Variants in DNAJC10 observed in about 807,000 individuals in gnomAD.
The protein encoded by DNAJC10 is DnaJ heat shock protein family (Hsp40) member C10.
Under a neutral mutation model 115.0 loss-of-function variants are expected in DNAJC10, and 101 were observed. That is an observed-to-expected ratio of 0.88 (90% CI 0.75 to 1.04). The LOEUF (loss-of-function observed/expected upper bound fraction) is 1.04, where lower values mean the gene tolerates loss of function less well. Among genes scored for constraint, DNAJC10 ranks in the 50% least tolerant of loss-of-function variants. The pLI, the probability that DNAJC10 is intolerant of heterozygous loss-of-function variation, is 0.00. For missense variants in DNAJC10, 981 were observed against 928.8 expected, an observed-to-expected ratio of 1.06 and a Z score of -0.73; for synonymous variants, 307 against 301.5, an observed-to-expected ratio of 1.02 and a Z score of -0.19.
At position 182,777,360 on chromosome 2, in the gene DNAJC10, T is replaced by C. The variant is rs1694733514; in HGVS notation, c.*228T>C. 1 of 328,354 alleles carries C rather than the reference T, an allele frequency of 3.0e-6. No individual in the cohort carries two copies. The allele number at this position is 328,354 out of a possible 1,614,324, so 20.3% of individuals were successfully genotyped here. ...AGACTTTGCAGGCTATAATATATGG[T>C]TCACACATGAGAACAAGAATAGAGT... On this transcript the variant is annotated 3_prime_UTR_variant, in exon 24 of 24. Transcript: ENST00000264065.
At chr2:182,765,447 A>G (rs984533037) in intron 22 of DNAJC10, among the ~76,000 whole-genome samples, 26 of 152,182 alleles carry the variant, frequency 1.7e-4, no homozygotes, top group Admixed American at 1.2e-3. Context: ...AGCTGATCCC[A>G]CTTGGCAAAG....
rs556449649 is a variant in DNAJC10 at position 182,785,511 on chromosome 2, G to T, written c.*8379G>T. 1 of 152,130 alleles carries T rather than the reference G, an allele frequency of 6.6e-6. No homozygotes were observed. The highest frequency in any genetic ancestry group is 1.9e-4 in the East Asian group (1 of 5,180). 9.4% of individuals were successfully genotyped at this position (152,130 alleles called of 1,614,324 possible). A position where few individuals can be genotyped will look rare whatever the true frequency, so the allele number is the denominator to read the frequency against. Reference sequence around the variant, plus strand: ...TTATCCTAATTAACTCGTTTGTTAAGTGGAAAAAATATTTCAGTAGGTAGT... The same window carrying T: ...TTATCCTAATTAACTCGTTTGTTAATTGGAAAAAATATTTCAGTAGGTAGT... On this transcript the variant is annotated 3_prime_UTR_variant, in exon 24 of 24. Coordinates refer to ENST00000264065, the MANE Select transcript of DNAJC10 (RefSeq NM_018981.4).
intron 22 of DNAJC10, among the ~76,000 whole-genome samples, chr2:182,767,864 C>G (rs1186547281): frequency 6.6e-6 from 1 of 152,142 alleles, no homozygotes; most frequent in African/African-American, 2.4e-5. Flanking sequence ...CCTTATCATA[C>G]TACACACTAC....
intron 20 of DNAJC10, 132 bp downstream of exon 20, chr2:182,759,022 A>G: frequency 9.7e-7 from 1 of 1,028,624 alleles, no homozygotes; most frequent in Non-Finnish European, 1.4e-6. Flanking sequence ...TATTATATTA[A>G]CCAAGATAGT....
At chr2:182,730,679 G>A in intron 8 of DNAJC10, 1 of 360,070 alleles carries the variant, frequency 2.8e-6, no homozygotes, top group Non-Finnish European at 5.4e-6. Flanking sequence ...TGGGGAACTG[G>A]CAATACTTCA....
At chr2:182,742,804 T>TC (rs1403593681) in intron 13 of DNAJC10, among the ~76,000 whole-genome samples, 10 of 152,278 alleles carry the variant, frequency 6.6e-5, no homozygotes, top group Admixed American at 2.6e-4. Flanking sequence ...TGGCCCATTT[T>TC]CTTTTTTCTG....
intron 11 of DNAJC10, among the ~76,000 whole-genome samples, chr2:182,738,380 G>A (rs184591582): frequency 8.1e-4 from 123 of 152,256 alleles, no homozygotes; most frequent in Non-Finnish European, 5.3e-4. Flanking sequence ...CAACAATAGA[G>A]CCTCTTGCCT....
chr2:182,724,605 G>C (rs1284710328), intron 5 of DNAJC10, among the ~76,000 whole-genome samples: 1 of 152,128 alleles, frequency 6.6e-6, no homozygotes, highest in African/African-American at 2.4e-5. Context: ...GTATAAGATA[G>C]ACCTGTGGGG....
In DNAJC10 at chr2:182,758,573, G is replaced by A. The variant is rs74812403; in HGVS notation, c.1944-264G>A. On this transcript the variant is annotated intron_variant, in intron 19 of 23. Coordinates refer to ENST00000264065, the MANE Select transcript of DNAJC10 (RefSeq NM_018981.4). ...AAAACCCTTGGACATTCTGAGTTTCGCAATTCCCATAGGTCTACAGGAGAT... is the reference window on the plus strand; with the variant it reads ...AAAACCCTTGGACATTCTGAGTTTCACAATTCCCATAGGTCTACAGGAGAT... Among the ~76,000 whole-genome samples, 1,412 of 152,152 alleles carry A rather than the reference G, an allele frequency of 9.3e-3. 11 individuals carry two copies. The highest frequency in any genetic ancestry group is 0.014 in the Non-Finnish European group (981 of 67,988).
chr2:182,728,821 AGTG>A, intron 6 of DNAJC10, 39 bp from the exon 7 acceptor site: 1 of 1,610,140 alleles, frequency 6.2e-7, no homozygotes, highest in African/African-American at 1.3e-5. Context: ...AGGGAAGAAA[AGTG>A]GTCTTATCAG....
In DNAJC10 at chr2:182,756,317, C is replaced by T; in HGVS notation, c.1657C>T (p.Leu553Phe). 2 of 1,610,628 alleles carry T rather than the reference C, an allele frequency of 1.2e-6. No individual in the cohort carries two copies. Among genetic ancestry groups the T allele is most frequent in the Non-Finnish European group, 1.7e-6 (2 of 1,178,338 alleles). The change falls in exon 18 of 24, where the codon CTT (leucine) becomes TTT (phenylalanine). Residue 553 changes from leucine to phenylalanine, a missense_variant. Transcript: ENST00000264065. ...AEQILEFIEDLMNPSVVSLTP... is the reference protein window; with the variant it reads ...AEQILEFIEDFMNPSVVSLTP... ...ATGGAAGCTATATTCTCTTCAGGAT[C>T]TTATGAATCCTTCAGTGGTCTCCCT...
At chr2:182,722,346 T>C (rs1336168704) in intron 5 of DNAJC10, among the ~76,000 whole-genome samples, 1 of 152,200 alleles carries the variant, frequency 6.6e-6, no homozygotes, top group Non-Finnish European at 1.5e-5. Context: ...CCAAGTGAGC[T>C]TGCTGCAAAC....
At chr2:182,730,012 T>A (rs552700591) in intron 8 of DNAJC10, 71 bp downstream of exon 8, 1 of 995,466 alleles carries the variant, frequency 1.0e-6, no homozygotes, top group African/African-American at 1.6e-5. Context: ...TTAATGGCAA[T>A]ATTAACATTT....
intron 22 of DNAJC10, among the ~76,000 whole-genome samples, chr2:182,774,823 C>A (rs1211358532): frequency 6.6e-6 from 1 of 152,230 alleles, no homozygotes; most frequent in Non-Finnish European, 1.5e-5. Context: ...CAACACCCCC[C>A]CCAATCCCCG....
At chr2:182,739,784 T>G in intron 11 of DNAJC10, 1 of 995,236 alleles carries the variant, frequency 1.0e-6, no homozygotes, top group Non-Finnish European at 1.2e-6. Context: ...TGAGCAAAAG[T>G]CCATTCCAAT....
intron 14 of DNAJC10, among the ~76,000 whole-genome samples, chr2:182,744,292 C>T (rs559976701): frequency 6.6e-6 from 1 of 152,186 alleles, no homozygotes; most frequent in South Asian, 2.1e-4. Flanking sequence ...GTTAAGTGAA[C>T]AACAGATACC....
intron 13 of DNAJC10, among the ~76,000 whole-genome samples, chr2:182,743,021 A>G (rs908727961): frequency 6.6e-6 from 1 of 151,678 alleles, no homozygotes; most frequent in Non-Finnish European, 1.5e-5. Context: ...TAATTTTTGT[A>G]TTTTTAGTAG....
At chr2:182,733,915 G>A (rs1378255172) in intron 10 of DNAJC10, among the ~76,000 whole-genome samples, 1 of 151,162 alleles carries the variant, frequency 6.6e-6, no homozygotes, top group Non-Finnish European at 1.5e-5. Flanking sequence ...CTATAAAATT[G>A]TACATAATAT....
chr2:182,787,140 T>C lies in DNAJC10; in HGVS notation c.*10008T>C, dbSNP rs1694962004. 6.6e-6 allele frequency: 1 copy of C among 152,090 alleles called. No homozygotes were observed. The highest frequency in any genetic ancestry group is 1.5e-5 in the Non-Finnish European group (1 of 68,050). The allele number at this position is 152,090 out of a possible 1,614,324, so 9.4% of individuals were successfully genotyped here. A position where few individuals can be genotyped will look rare whatever the true frequency, so the allele number is the denominator to read the frequency against. On this transcript the variant is annotated 3_prime_UTR_variant, in exon 24 of 24. Coordinates refer to ENST00000264065, the MANE Select transcript of DNAJC10 (RefSeq NM_018981.4). Reference sequence around the variant, plus strand: ...GTTATAGCAGCCTGGACAGACAATATATTGAAAAAAATCAGTTTTGCAGTT... The same window carrying C: ...GTTATAGCAGCCTGGACAGACAATACATTGAAAAAAATCAGTTTTGCAGTT...
Sources: allele counts gnomAD v4.1 joint callset (sites outside exome capture counted in the v4.1 genomes callset), GRCh38; gene constraint gnomAD v4.1.1; transcripts MANE v1.5; gene names NCBI Gene and HGNC (gene_info 2026-07-23, HGNC 2026-07-21).